C8A: variants seen among roughly 807,000 people sequenced by gnomAD.
C8A encodes the protein complement C8 alpha chain.
Under a neutral mutation model 65.3 loss-of-function variants are expected in C8A, and 67 were observed. The observed-to-expected ratio is 1.03, with a 90% CI of 0.84 to 1.26. The LOEUF (loss-of-function observed/expected upper bound fraction) is 1.26. Ranked by LOEUF, C8A falls within the 50% of genes most tolerant of loss-of-function variation. C8A has a pLI of 0.00. For missense variants in C8A, 781 were observed against 723.9 expected, an observed-to-expected ratio of 1.08 and a Z score of -0.90; for synonymous variants, 290 against 259.4, an observed-to-expected ratio of 1.12 and a Z score of -1.13.
Position 56,883,695 on chromosome 1 carries a change from A to G in C8A, c.855+14A>G. 2 of 1,603,198 alleles carry G rather than the reference A, an allele frequency of 1.2e-6. No homozygotes were observed. The highest frequency in any genetic ancestry group is 1.7e-6 in the Non-Finnish European group (2 of 1,170,670). ...TATAATGAGAAGGTATTCAAACATA[A>G]TGTCTGTGTCTCACAGTATTCCATA... On this transcript the variant is annotated intron_variant, in intron 6 of 10. Coordinates refer to ENST00000361249, the MANE Select transcript of C8A (RefSeq NM_000562.3).
At chr1:56,902,440 T>C (rs1644433634) in intron 7 of C8A, among the ~76,000 whole-genome samples, 1 of 152,228 alleles carries the variant, frequency 6.6e-6, no homozygotes, top group African/African-American at 2.4e-5. Context: ...AGGATGTGGC[T>C]TTGAACATCT....
chr1:56,875,081 T>G lies in C8A; in HGVS notation c.304T>G (p.Cys102Gly). 6.2e-7 allele frequency: 1 copy of G among 1,613,546 alleles called. No homozygotes were observed. The highest frequency in any genetic ancestry group is 8.5e-7 in the Non-Finnish European group (1 of 1,179,724). ...RQAQCGQDFQ[C>G]KETGRCLKRH... is the part of the protein sequence containing the mutation. Reference sequence around the variant, plus strand: ...AGCACAGTGTGGACAGGATTTCCAGTGTAAGGAGACAGGTGAGTAGCATTT... The same window carrying G: ...AGCACAGTGTGGACAGGATTTCCAGGGTAAGGAGACAGGTGAGTAGCATTT... Residue 102 changes from cysteine to glycine, a missense_variant, in exon 3 of 11, where the codon TGT (cysteine) becomes GGT (glycine). Physicochemically the swap from Cys to Gly is radical, Grantham distance 159. Transcript: ENST00000361249.
chr1:56,867,528 T>A (rs1644102300), intron 1 of C8A, 81 bp from the exon 2 acceptor site: 2 of 971,852 alleles, frequency 2.1e-6, no homozygotes, highest in Non-Finnish European at 3.3e-6. Context: ...CATGTTTTAC[T>A]GGAAGGAAAA....
intron 7 of C8A, among the ~76,000 whole-genome samples, chr1:56,895,177 T>C (rs1449466560): frequency 6.6e-6 from 1 of 152,162 alleles, no homozygotes; most frequent in Non-Finnish European, 1.5e-5. Flanking sequence ...ACTCATCCCT[T>C]TTTCCATACA....
intron 7 of C8A, among the ~76,000 whole-genome samples, chr1:56,892,427 AAATGAAAAATATAC>A (rs1644354930): frequency 1.3e-5 from 2 of 152,240 alleles, no homozygotes; most frequent in South Asian, 4.2e-4. Context: ...TATCACTAGT[AAATGAAAAATATAC>A]AAAGTGAGTT....
chr1:56,909,715 C>A (rs1386758729), intron 9 of C8A, among the ~76,000 whole-genome samples: 2 of 152,118 alleles, frequency 1.3e-5, no homozygotes, highest in East Asian at 3.9e-4. Flanking sequence ...TAGGTCATAG[C>A]TCAGCTGCTT....
In C8A at chr1:56,908,119, T is replaced by A. The variant is rs1431751390; in HGVS notation, c.1380+6T>A. Reference sequence around the variant, plus strand: ...CTGTTGTTATCGATTTTGAGGTAAGTCTTTTCGCAGTTGAAGAAACTCTAC... The same window carrying A: ...CTGTTGTTATCGATTTTGAGGTAAGACTTTTCGCAGTTGAAGAAACTCTAC... On this transcript the variant is annotated splice_donor_region_variant and intron_variant, in intron 9 of 10. Transcript: ENST00000361249. 2 of 1,613,888 alleles carry A rather than the reference T, an allele frequency of 1.2e-6. No homozygotes were observed. The highest frequency in any genetic ancestry group is 1.7e-6 in the Non-Finnish European group (2 of 1,179,892).
intron 1 of C8A, among the ~76,000 whole-genome samples, chr1:56,860,501 C>T (rs1644023048): frequency 6.6e-6 from 1 of 152,112 alleles, no homozygotes; most frequent in African/African-American, 2.4e-5. Context: ...TCTGATTTCT[C>T]ATTTGAAAAA....
At position 56,881,576 on chromosome 1, in the gene C8A, A is replaced by T. The variant is rs1391056822; in HGVS notation, c.596A>T (p.Tyr199Phe). The T allele has an allele frequency of 6.2e-7, 1 of 1,613,700 alleles. No individual in the cohort carries two copies. Among genetic ancestry groups the T allele is most frequent in the Non-Finnish European group, 8.5e-7 (1 of 1,179,790 alleles). ...GACTCCACCTGTGAACGTCTCTACT[A>T]TGGAGATGATGAGAAATACTTTCGG... ...RYDSTCERLY[Y>F]GDDEKYFRKP... Residue 199 changes from tyrosine to phenylalanine, a missense_variant, in exon 5 of 11, where the codon TAT becomes TTT. By Grantham distance (22) the Tyr-to-Phe change is conservative. Coordinates refer to ENST00000361249, the MANE Select transcript of C8A (RefSeq NM_000562.3).
At chr1:56,908,959 A>C (rs1165596231) in intron 9 of C8A, among the ~76,000 whole-genome samples, 1 of 152,178 alleles carries the variant, frequency 6.6e-6, no homozygotes, top group Non-Finnish European at 1.5e-5. Context: ...CACCACCCAC[A>C]GTGGGGCAAG....
chr1:56,909,514 C>G (rs1644490579), intron 9 of C8A, among the ~76,000 whole-genome samples: 1 of 152,086 alleles, frequency 6.6e-6, no homozygotes, highest in Non-Finnish European at 1.5e-5. Flanking sequence ...GTGATTTGAG[C>G]AAAAACTGTA....
At chr1:56,899,041 T>C (rs866936238) in intron 7 of C8A, among the ~76,000 whole-genome samples, 5 of 152,166 alleles carry the variant, frequency 3.3e-5, no homozygotes, top group Non-Finnish European at 4.4e-5. Context: ...CACTAGATTC[T>C]AACAAGCTCC....
intron 1 of C8A, among the ~76,000 whole-genome samples, chr1:56,856,833 G>GT (rs1643981565): frequency 6.7e-6 from 1 of 150,006 alleles, no homozygotes; most frequent in Admixed American, 6.6e-5. Flanking sequence ...ATGTTTAACA[G>GT]TTGCTTATTA....
At chr1:56,896,427 T>C (rs891926457) in intron 7 of C8A, among the ~76,000 whole-genome samples, 3 of 151,966 alleles carry the variant, frequency 2.0e-5, no homozygotes, top group African/African-American at 4.8e-5. Context: ...CCTGGAAGAG[T>C]TGACATTTCC....
At chr1:56,899,819 A>C (rs868654446) in intron 7 of C8A, among the ~76,000 whole-genome samples, 48 of 152,312 alleles carry the variant, frequency 3.2e-4, no homozygotes, top group Admixed American at 3.3e-4. Context: ...GGCATGGATT[A>C]ACTCATTCAA....
At chr1:56,915,927 C>T (rs1283624347) in intron 10 of C8A, among the ~76,000 whole-genome samples, 1 of 152,182 alleles carries the variant, frequency 6.6e-6, no homozygotes, top group East Asian at 1.9e-4. Flanking sequence ...TCATGGTTAT[C>T]AATCTGGCCT....
chr1:56,909,296 A>T (rs1644489428), intron 9 of C8A, among the ~76,000 whole-genome samples: 1 of 152,172 alleles, frequency 6.6e-6, no homozygotes, highest in Non-Finnish European at 1.5e-5. Context: ...TTCTACATAT[A>T]TTTAAAATCC....
At chr1:56,862,170 G>A (rs1437450480) in intron 1 of C8A, among the ~76,000 whole-genome samples, 3 of 152,120 alleles carry the variant, frequency 2.0e-5, no homozygotes, top group Admixed American at 2.0e-4. Flanking sequence ...GCTTGTGCTC[G>A]AGATTTTACA....
intron 2 of C8A, among the ~76,000 whole-genome samples, chr1:56,869,136 T>C (rs1240315647): frequency 2.0e-5 from 3 of 152,182 alleles, no homozygotes; most frequent in African/African-American, 7.2e-5. Flanking sequence ...CAGTGTACAC[T>C]GTACCCAATG....
Sources: allele counts gnomAD v4.1 joint callset (sites outside exome capture counted in the v4.1 genomes callset), GRCh38; gene constraint gnomAD v4.1.1; transcripts MANE v1.5; gene names NCBI Gene and HGNC (gene_info 2026-07-23, HGNC 2026-07-21).